Variants in IRAG2 observed in about 807,000 individuals in gnomAD.
IRAG2 encodes the protein lymphoid restricted membrane protein.
IRAG2 carries 45 observed loss-of-function variants against 69.9 expected under a neutral mutation model. The ratio of observed to expected loss-of-function variants is 0.64; its 90% CI spans 0.51 to 0.83. The LOEUF is 0.83. IRAG2 is among the 40% of genes least tolerant of loss of function. The pLI, the probability that IRAG2 is intolerant of heterozygous loss-of-function variation, is 0.00. For missense variants in IRAG2, 520 were observed against 587.0 expected (o/e 0.89, Z 1.18); for synonymous variants, 193 against 202.4 (o/e 0.95, Z 0.40).
At chr12:25,053,882 T>C (rs1304227105) in intron 1 of IRAG2, among the ~76,000 whole-genome samples, 1 of 151,874 alleles carries the variant, frequency 6.6e-6, no homozygotes, top group East Asian at 1.9e-4. Flanking sequence ...ATTGTACCCT[T>C]TCTACTATTA....
chr12:25,033,778 A>G (rs1202259730), intron 12 of IRAG2: 1 of 397,174 alleles, frequency 2.5e-6, no homozygotes, highest in African/African-American at 2.1e-5. Context: ...AATGGACCCT[A>G]TATTCTGTTG....
At chr12:24,997,814 T>C in the IRAG2 span, among the ~76,000 whole-genome samples, 15 of 152,266 alleles carry the variant, frequency 9.9e-5, no homozygotes, top group African/African-American at 2.4e-4. Context: ...ACAGAGTTCA[T>C]TGAAAACTTG....
At chr12:25,104,545 A>G in intron 20 of IRAG2, 83 bp downstream of exon 20, 1 of 781,766 alleles carries the variant, frequency 1.3e-6, no homozygotes. Flanking sequence ...ATGGAGATGA[A>G]ATAATGCTGT....
Position 25,101,216 on chromosome 12 carries a change from G to A in IRAG2, c.780G>A (p.Gln260=), listed in dbSNP as rs769528095. The stretch of plus-strand genomic sequence containing the variant: ...GTAAAGCAGTTGAAGTGATGATTCA[G>A]CACGTAGAAAACTTGAAGAGGATGT... ...RVSKAVEVMI[Q]HVENLKRMYA... The change falls in exon 16 of 22, where the codon CAG becomes CAA. Residue 260 remains glutamine, a synonymous_variant. Transcript: ENST00000556887. 27 of 1,612,326 alleles carry A rather than the reference G, an allele frequency of 1.7e-5. No individual in the cohort carries two copies. The highest frequency in any genetic ancestry group is 2.2e-5 in the Non-Finnish European group (26 of 1,179,072).
At chr12:25,025,963 A>G (rs1591929352) in intron 8 of IRAG2, among the ~76,000 whole-genome samples, 1 of 152,150 alleles carries the variant, frequency 6.6e-6, no homozygotes, top group African/African-American at 2.4e-5. Context: ...AAAGGGCCTG[A>G]TTGTAAATAT....
upstream of IRAG2, among the ~76,000 whole-genome samples, chr12:25,000,460 T>A (rs988317334): frequency 6.6e-6 from 1 of 151,972 alleles, no homozygotes; most frequent in Admixed American, 6.6e-5. Context: ...AAAAATGTAT[T>A]TTAATTAAAA....
upstream of IRAG2, among the ~76,000 whole-genome samples, chr12:25,001,593 A>G (rs1944391466): frequency 6.6e-6 from 1 of 152,158 alleles, no homozygotes; most frequent in South Asian, 2.1e-4. Flanking sequence ...TATGGCTTGA[A>G]CAGCCTACCA....
intron 9 of IRAG2, chr12:25,026,943 C>T: frequency 9.7e-6 from 6 of 621,594 alleles, no homozygotes; most frequent in Non-Finnish European, 1.4e-5. Flanking sequence ...GTCTATGCCT[C>T]ATTGACAAAC....
chr12:25,004,792 A>G (rs1388534763), exon 1 of IRAG2: 1 of 1,232,002 alleles, frequency 8.1e-7, no homozygotes, highest in African/African-American at 1.6e-5. Flanking sequence ...GGATTTGAAT[A>G]ACTATTGTAG....
chr12:25,056,698 G>T (rs1045919410), intron 1 of IRAG2, among the ~76,000 whole-genome samples: 1 of 152,178 alleles, frequency 6.6e-6, no homozygotes, highest in African/African-American at 2.4e-5. Flanking sequence ...ATGGGGAAAT[G>T]CTGTGGTTAT....
intron 3 of IRAG2, among the ~76,000 whole-genome samples, chr12:25,014,908 T>C (rs1286317016): frequency 2.0e-5 from 3 of 151,514 alleles, no homozygotes; most frequent in African/African-American, 4.9e-5. Context: ...AGTGTATGGA[T>C]GGTGGAGGTA....
intron 10 of IRAG2, chr12:25,030,379 T>G: frequency 1.7e-6 from 2 of 1,161,842 alleles, no homozygotes; most frequent in Non-Finnish European, 1.1e-6. Context: ...ATTGGCTAGC[T>G]CTCTCCAAAT....
chr12:25,071,942 G>A (rs1057202340), intron 6 of IRAG2, among the ~76,000 whole-genome samples: 6 of 152,104 alleles, frequency 3.9e-5, no homozygotes, highest in Non-Finnish European at 5.9e-5. Flanking sequence ...AGTGGCACAC[G>A]CCTGTAATCC....
intron 1 of IRAG2, among the ~76,000 whole-genome samples, chr12:25,054,194 G>A (rs540261036): frequency 1.3e-5 from 2 of 152,238 alleles, no homozygotes; most frequent in South Asian, 2.1e-4. Context: ...ACTCTGTTAA[G>A]CTAGTAAGGC....
chr12:25,065,408 T>C (rs1945914600), intron 4 of IRAG2, among the ~76,000 whole-genome samples: 1 of 152,198 alleles, frequency 6.6e-6, no homozygotes, highest in Admixed American at 6.5e-5. Flanking sequence ...TTTTTTCTAT[T>C]AAACTCTGCT....
intron 16 of IRAG2, among the ~76,000 whole-genome samples, chr12:25,039,850 A>C (rs2101302): frequency 0.32 from 48,970 of 152,102 alleles, 9,377 homozygotes; most frequent in Admixed American, 0.46. Context: ...GTTAAATAAC[A>C]GTAGGTGTCA....
chr12:25,106,405 CTT>C (rs1345074641), intron 20 of IRAG2, among the ~76,000 whole-genome samples: 4 of 129,610 alleles, frequency 3.1e-5, no homozygotes, highest in Non-Finnish European at 6.4e-5. Context: ...ATATTATAAA[CTT>C]TGTATAAGCA....
At chr12:25,011,531 G>A in exon 3 of IRAG2, 1 of 1,231,566 alleles carries the variant, frequency 8.1e-7, no homozygotes, top group Non-Finnish European at 1.0e-6. Flanking sequence ...AAGACTGGAT[G>A]GCTTACTGTG....
intron 16 of IRAG2, among the ~76,000 whole-genome samples, chr12:25,043,722 C>T (rs1426990815): frequency 6.6e-6 from 1 of 152,184 alleles, no homozygotes; most frequent in East Asian, 1.9e-4. Flanking sequence ...TCCAGAATCT[C>T]TTCCTGGATT....
Sources: gnomAD v4.1 joint callset for allele counts (sites outside exome capture counted in the v4.1 genomes callset) on GRCh38, gnomAD v4.1.1 for gene constraint, MANE v1.5 for transcripts, NCBI Gene and HGNC (gene_info 2026-07-23, HGNC 2026-07-21) for gene names.